Variants in KIAA1328 observed in about 807,000 individuals in gnomAD.
KIAA1328 encodes the protein protein hinderin.
Under a neutral mutation model 68.1 loss-of-function variants are expected in KIAA1328, and 52 were observed. The observed-to-expected ratio is 0.76, with a 90% CI of 0.61 to 0.96. The LOEUF (loss-of-function observed/expected upper bound fraction) is 0.96. KIAA1328 is among the 40% of genes least tolerant of loss of function. The pLI, the probability that KIAA1328 is intolerant of heterozygous loss-of-function variation, is 0.00. For synonymous variants in KIAA1328, 232 were observed against 239.4 expected (o/e 0.97, Z 0.28); for missense variants, 641 against 677.6 (o/e 0.95, Z 0.60).
At chr18:37,050,666 G>T (rs1162083089) in intron 6 of KIAA1328, among the ~76,000 whole-genome samples, 1 of 152,082 alleles carries the variant, frequency 6.6e-6, no homozygotes, top group Non-Finnish European at 1.5e-5. Context: ...TTAGACGTTT[G>T]TCTTCTTCAA....
At chr18:37,048,096 C>T (rs1599077481) in intron 6 of KIAA1328, among the ~76,000 whole-genome samples, 2 of 152,202 alleles carry the variant, frequency 1.3e-5, no homozygotes, top group South Asian at 4.1e-4. Flanking sequence ...CCAAAATGTC[C>T]AGCATCTTAA....
intron 8 of KIAA1328, among the ~76,000 whole-genome samples, chr18:37,167,444 GA>G (rs1489703811): frequency 6.6e-6 from 1 of 152,126 alleles, no homozygotes; most frequent in Non-Finnish European, 1.5e-5. Flanking sequence ...TCAGCAGTTG[GA>G]TGGGGTGTCA....
intron 7 of KIAA1328, among the ~76,000 whole-genome samples, chr18:37,102,498 T>C (rs1046010480): frequency 6.6e-6 from 1 of 152,056 alleles, no homozygotes; most frequent in East Asian, 1.9e-4. Context: ...GACATCTCAA[T>C]AGACAGAGAA....
chr18:37,026,310 A>G (rs2054577502), intron 6 of KIAA1328, among the ~76,000 whole-genome samples: 1 of 152,212 alleles, frequency 6.6e-6, no homozygotes, highest in Admixed American at 6.6e-5. Context: ...AGGAGCTGGT[A>G]CCATTCCTTC....
chr18:36,936,547 C>T (rs2050506635), intron 5 of KIAA1328, among the ~76,000 whole-genome samples: 1 of 152,144 alleles, frequency 6.6e-6, no homozygotes, highest in Non-Finnish European at 1.5e-5. Flanking sequence ...CATGTCTTTG[C>T]TATTGTAAAT....
intron 6 of KIAA1328, chr18:37,063,702 A>C: frequency 1.0e-6 from 1 of 984,088 alleles, no homozygotes; most frequent in Non-Finnish European, 1.2e-6. Context: ...TACCTCTCAA[A>C]AACAGGAAAC....
At chr18:37,201,965 G>T (rs1009752635) in intron 9 of KIAA1328, among the ~76,000 whole-genome samples, 1 of 152,152 alleles carries the variant, frequency 6.6e-6, no homozygotes, top group Non-Finnish European at 1.5e-5. Flanking sequence ...TTAAAAATAT[G>T]ATATTCGTCA....
rs200456180 is a variant in KIAA1328, at chr18:36,905,602, A to T, written c.448+19930A>T. On this transcript the variant is annotated intron_variant, in intron 5 of 9. Transcript: ENST00000280020. Reference sequence around the variant, plus strand: ...AGTTGTACTTTTCTGTTCAATTTTTAAAAAAATGTTGCTCCACTGTCATTA... The same window carrying T: ...AGTTGTACTTTTCTGTTCAATTTTTTAAAAAATGTTGCTCCACTGTCATTA... 3.6e-4 allele frequency among the ~76,000 whole-genome samples: 55 copies of T among 152,238 alleles called. No individual in the cohort carries two copies. In the East Asian group the frequency reaches 3.9e-3, roughly 11 times the overall value.
intron 6 of KIAA1328, among the ~76,000 whole-genome samples, chr18:37,017,850 A>G (rs942919606): frequency 5.3e-5 from 8 of 152,012 alleles, no homozygotes; most frequent in African/African-American, 1.7e-4. Flanking sequence ...TCCTATCAGT[A>G]TCATTATGTG....
chr18:36,965,062 A>T (rs907702191), intron 6 of KIAA1328, among the ~76,000 whole-genome samples: 1 of 152,130 alleles, frequency 6.6e-6, no homozygotes, highest in Non-Finnish European at 1.5e-5. Context: ...CTTCTACTCC[A>T]GTTTGAAAAT....
intron 4 of KIAA1328, among the ~76,000 whole-genome samples, chr18:36,873,816 C>A (rs1326998903): frequency 2.0e-5 from 3 of 152,096 alleles, no homozygotes; most frequent in African/African-American, 7.2e-5. Context: ...TTAAGTATTT[C>A]TCCTTATGCT....
At chr18:37,194,283 T>C (rs1335333203) in intron 9 of KIAA1328, among the ~76,000 whole-genome samples, 1 of 151,498 alleles carries the variant, frequency 6.6e-6, no homozygotes, top group African/African-American at 2.4e-5. Context: ...TCAAAAAGTT[T>C]GGTACTTTGC....
chr18:37,101,171 G>A (rs1352968194), intron 7 of KIAA1328, among the ~76,000 whole-genome samples: 1 of 152,214 alleles, frequency 6.6e-6, no homozygotes, highest in African/African-American at 2.4e-5. Flanking sequence ...GATGATGAAT[G>A]ACTTTGATGA....
intron 7 of KIAA1328, among the ~76,000 whole-genome samples, chr18:37,149,879 A>T (rs2058988981): frequency 6.6e-6 from 1 of 152,196 alleles, no homozygotes; most frequent in African/African-American, 2.4e-5. Context: ...CAAGATGATC[A>T]ACCTACTATG....
intron 6 of KIAA1328, among the ~76,000 whole-genome samples, chr18:37,049,790 CTTAT>C (rs1303003099): frequency 6.6e-6 from 1 of 152,152 alleles, no homozygotes; most frequent in Non-Finnish European, 1.5e-5. Flanking sequence ...TTCTGTCTGT[CTTAT>C]TTGTCTACAA....
intron 5 of KIAA1328, among the ~76,000 whole-genome samples, chr18:36,926,767 G>C (rs1026855027): frequency 1.3e-5 from 2 of 152,156 alleles, no homozygotes; most frequent in Non-Finnish European, 1.5e-5. Context: ...GTGTGTGTTA[G>C]ACCATTCTTG....
intron 5 of KIAA1328, among the ~76,000 whole-genome samples, chr18:36,922,225 T>C (rs1286305926): frequency 1.3e-5 from 2 of 152,242 alleles, no homozygotes; most frequent in South Asian, 2.1e-4. Context: ...TTGTTTGCTG[T>C]GTCTAGAATG....
intron 7 of KIAA1328, among the ~76,000 whole-genome samples, chr18:37,137,466 A>G (rs1176923174): frequency 1.3e-5 from 2 of 151,908 alleles, no homozygotes; most frequent in East Asian, 1.9e-4. Flanking sequence ...TTTACCTTCC[A>G]TTTATTCCTG....
downstream of KIAA1328, chr18:37,230,354 G>A (rs550584142): frequency 1.1e-4 from 16 of 152,102 alleles, no homozygotes; most frequent in East Asian, 1.5e-3. Context: ...CTTGACTTCC[G>A]TGCTTCAGCC....
Sources: allele counts gnomAD v4.1 joint callset (sites outside exome capture counted in the v4.1 genomes callset), GRCh38; gene constraint gnomAD v4.1.1; transcripts MANE v1.5; gene names NCBI Gene and HGNC (gene_info 2026-07-23, HGNC 2026-07-21).